Variants in STARD9 observed in about 807,000 individuals in gnomAD.
STARD9 encodes the protein stAR-related lipid transfer protein 9.
A neutral mutation model predicts 399.8 loss-of-function variants in STARD9; 346 were observed. The ratio of observed to expected loss-of-function variants is 0.87; its 90% CI spans 0.79 to 0.95. STARD9 has a LOEUF of 0.95. STARD9 is among the 40% of genes least tolerant of loss of function. STARD9 has a pLI of 0.00. For missense variants in STARD9, 5,832 were observed against 5,667.5 expected (o/e 1.03, Z -0.93); for synonymous variants, 2,203 against 2,143.5 (o/e 1.03, Z -0.77).
At chr15:42,667,877 T>C (rs2060133399) in intron 15 of STARD9, among the ~76,000 whole-genome samples, 1 of 152,224 alleles carries the variant, frequency 6.6e-6, no homozygotes, top group Non-Finnish European at 1.5e-5. Context: ...CATGTTAACA[T>C]TTTGTCACCC....
At position 42,690,142 on chromosome 15, in the gene STARD9, C is replaced by A. The variant is rs8031218; in HGVS notation, c.8564C>A (p.Thr2855Asn). 1.3e-6 allele frequency: 2 copies of A among 1,537,556 alleles called. No homozygotes were observed. The highest frequency in any genetic ancestry group is 8.7e-7 in the Non-Finnish European group (1 of 1,146,996). Residue 2855 changes from threonine (T) to asparagine (N), a missense_variant, in exon 23 of 33, where the codon ACC becomes AAC. Physicochemically the swap from Thr to Asn is moderately conservative, Grantham distance 65 (BLOSUM62 0). Transcript: ENST00000290607. Reference sequence around the variant, plus strand: ...GGTAGGGCAAGTCCCAAACAAGATACCATTCTGCCTGGAGCTCTGACAAGG... The same window carrying A: ...GGTAGGGCAAGTCCCAAACAAGATAACATTCTGCCTGGAGCTCTGACAAGG... ...EEGRASPKQD[T>N]ILPGALTRVA...
intron 30 of STARD9, 56 bp from the exon 31 acceptor site, chr15:42,718,379 T>C: frequency 7.0e-7 from 1 of 1,433,556 alleles, no homozygotes; most frequent in Non-Finnish European, 9.5e-7. Flanking sequence ...CCAGGAAGGC[T>C]TTAGGACTAG....
In STARD9 at chr15:42,694,541, A is replaced by G; in HGVS notation, c.12778A>G (p.Ile4260Val). The change falls in exon 24 of 33, where the codon ATT becomes GTT. Residue 4260 changes from isoleucine to valine, a missense_variant. Physicochemically the swap from Ile to Val is conservative, Grantham distance 29. Around this residue, in one of 2 missense-constraint regions of STARD9, gnomAD observed 5,828 missense variants for 5,651.1 expected, o/e 1.03. Transcript: ENST00000290607. ...GTTTTGCCTCAGGCAAAAAAAGGCC[A>G]TTGAGACCCTCAGGAGAGAGCGGGC... ...KELYARQKKA[I>V]ETLRRERAER... The G allele has an allele frequency of 6.5e-7, 1 of 1,537,206 alleles. No individual in the cohort carries two copies. Among genetic ancestry groups the G allele is most frequent in the South Asian group, 1.2e-5 (1 of 84,062 alleles).
chr15:42,709,080 T>A (rs2061153215), intron 26 of STARD9, among the ~76,000 whole-genome samples: 1 of 152,192 alleles, frequency 6.6e-6, no homozygotes, highest in Non-Finnish European at 1.5e-5. Flanking sequence ...CTCCACTGAA[T>A]GTTGCTATAT....
At chr15:42,613,386 C>T (rs1012103419) in intron 3 of STARD9, among the ~76,000 whole-genome samples, 26 of 151,914 alleles carry the variant, frequency 1.7e-4, no homozygotes, top group Admixed American at 1.7e-3. Context: ...CCAGAGAGAC[C>T]CTAAACTTTC....
At chr15:42,717,352 G>C (rs1376155746) in intron 28 of STARD9, among the ~76,000 whole-genome samples, 2 of 152,108 alleles carry the variant, frequency 1.3e-5, no homozygotes, top group African/African-American at 2.4e-5. Flanking sequence ...GCCAGGCGTG[G>C]TAGCTCACAC....
At chr15:42,656,448 A>G (rs895871962) in intron 9 of STARD9, among the ~76,000 whole-genome samples, 1 of 151,828 alleles carries the variant, frequency 6.6e-6, no homozygotes, top group Non-Finnish European at 1.5e-5. Context: ...ATTATGGAAA[A>G]CAGTGTGGAG....
chr15:42,579,742 T>C (rs1316326238), intron 1 of STARD9, among the ~76,000 whole-genome samples: 2 of 152,088 alleles, frequency 1.3e-5, no homozygotes, highest in Admixed American at 6.6e-5. Context: ...CTAAGAACAT[T>C]CTGAAAATCA....
At chr15:42,582,857 G>T (rs966746954) in intron 1 of STARD9, among the ~76,000 whole-genome samples, 2 of 152,248 alleles carry the variant, frequency 1.3e-5, no homozygotes, top group Non-Finnish European at 2.9e-5. Context: ...ACTGCTCCCC[G>T]CACTCTCTAG....
At chr15:42,718,620 G>A (rs1295196309) in intron 31 of STARD9, 106 bp downstream of exon 31, 1 of 1,429,518 alleles carries the variant, frequency 7.0e-7, no homozygotes, top group Non-Finnish European at 9.5e-7. Flanking sequence ...AGGGCAAATT[G>A]GGGCTGGAGC....
chr15:42,669,376 G>C, intron 16 of STARD9, 39 bp downstream of exon 16: 1 of 1,462,148 alleles, frequency 6.8e-7, no homozygotes, highest in Non-Finnish European at 9.1e-7. Flanking sequence ...CTAAGCCACT[G>C]GTTCCAGAGG....
In STARD9 at chr15:42,686,380, G is replaced by C; in HGVS notation, c.4802G>C (p.Arg1601Pro). 1 of 1,537,512 alleles carries C rather than the reference G, an allele frequency of 6.5e-7. No homozygotes were observed. The highest frequency in any genetic ancestry group is 1.4e-5 in the African/African-American group (1 of 73,130). ...GACTTAGAATCATTGTCTGCTTCTCGATCTACAAATGCACAGGTCTTTGCA... is the reference window on the plus strand; with the variant it reads ...GACTTAGAATCATTGTCTGCTTCTCCATCTACAAATGCACAGGTCTTTGCA... ...SADLESLSAS[R>P]STNAQVFATE... Residue 1601 changes from arginine (R) to proline (P), a missense_variant, in exon 23 of 33, where the codon CGA becomes CCA. This residue lies in a region of STARD9 where 5,828 missense variants were observed against 5,651.1 expected (regional missense o/e 1.03). Transcript: ENST00000290607.
chr15:42,607,843 C>G (rs912423887), intron 3 of STARD9, among the ~76,000 whole-genome samples: 2 of 152,070 alleles, frequency 1.3e-5, no homozygotes, highest in African/African-American at 4.8e-5. Context: ...GAGGATGAAT[C>G]TCTTAGGCAT....
chr15:42,662,806 T>A lies in STARD9; in HGVS notation c.783T>A (p.Asp261Glu). 6.5e-7 allele frequency: 1 copy of A among 1,537,326 alleles called. No homozygotes were observed. Among genetic ancestry groups the A allele is most frequent in the Admixed American group, 2.0e-5 (1 of 51,000 alleles). The change falls in exon 11 of 33, where the codon GAT becomes GAA. Residue 261 changes from aspartate (D) to glutamate (E), a missense_variant. Physicochemically the swap from Asp to Glu is conservative, Grantham distance 45 (BLOSUM62 2). This residue lies in a region of STARD9 where 5,828 missense variants were observed against 5,651.1 expected (regional missense o/e 1.03). Transcript: ENST00000290607. ...GACTGTGTTTTAGCGAAAGAGCAGA[T>A]CCCAGTTACTGTAAGGACCGCATTG... The part of the protein sequence containing the change: ...LVDLAGSERA[D>E]PSYCKDRIAE...
At chr15:42,643,885 T>A (rs1235178101) in intron 7 of STARD9, among the ~76,000 whole-genome samples, 1 of 152,254 alleles carries the variant, frequency 6.6e-6, no homozygotes, top group Non-Finnish European at 1.5e-5. Flanking sequence ...CCAATATGAT[T>A]TCTTTTGACT....
chr15:42,647,094 A>T (rs1248762783), intron 7 of STARD9, among the ~76,000 whole-genome samples: 1 of 152,250 alleles, frequency 6.6e-6, no homozygotes, highest in African/African-American at 2.4e-5. Flanking sequence ...ACAGATCATC[A>T]TAACAGATAT....
rs2058037770 is a variant in STARD9 at position 42,575,711 on chromosome 15, G to A, written c.-5G>A. ...GACCCGCTGGACTTGGGTTGTGGCA[G>A]ACGGATGGCGAACGTGCAGGTCGCC... On this transcript the variant is annotated 5_prime_UTR_variant, in exon 1 of 33. Coordinates refer to ENST00000290607, the MANE Select transcript of STARD9 (RefSeq NM_020759.3). 6.5e-7 allele frequency: 1 copy of A among 1,536,570 alleles called. No individual in the cohort carries two copies. Among genetic ancestry groups the A allele is most frequent in the Admixed American group, 2.0e-5 (1 of 51,010 alleles).
Position 42,682,349 on chromosome 15 carries a change from C to T in STARD9, c.2311C>T (p.Gln771Ter). Residue 771 changes from glutamine (Q) to a stop codon, truncating the protein, a stop_gained, in exon 22 of 33, where the codon CAG becomes TAG. Coordinates refer to ENST00000290607, the MANE Select transcript of STARD9 (RefSeq NM_020759.3). LOFTEE classifies it high-confidence loss of function. Reference protein sequence around the residue: ...RNVRRKKVSFQLERIIKKQRL... With the variant: ...RNVRRKKVSF Reference sequence around the variant, plus strand: ...TGTCCGGCGGAAAAAGGTCTCATTCCAGCTAGAGAGAATCATCAAAAAGCA... The same window carrying T: ...TGTCCGGCGGAAAAAGGTCTCATTCTAGCTAGAGAGAATCATCAAAAAGCA... The T allele has an allele frequency of 6.5e-7, 1 of 1,537,248 alleles. No homozygotes were observed.
In STARD9 at chr15:42,663,494, A is replaced by G; in HGVS notation, c.1078+4A>G. 3 of 1,537,270 alleles carry G rather than the reference A, an allele frequency of 2.0e-6. No homozygotes were observed. The highest frequency in any genetic ancestry group is 1.4e-5 in the African/African-American group (1 of 73,170). Reference sequence around the variant, plus strand: ...TCTAAAACCATCATGGTTGCCAGTGAGTGGGATGCCAGAGCTGGACCTGTG... The same window carrying G: ...TCTAAAACCATCATGGTTGCCAGTGGGTGGGATGCCAGAGCTGGACCTGTG... On this transcript the variant is annotated splice_donor_region_variant and intron_variant, in intron 12 of 32. Coordinates refer to ENST00000290607, the MANE Select transcript of STARD9 (RefSeq NM_020759.3).
Sources: allele counts gnomAD v4.1 joint callset (sites outside exome capture counted in the v4.1 genomes callset), GRCh38; gene constraint gnomAD v4.1.1; regional missense constraint gnomAD v4.1.1; transcripts MANE v1.5; gene names NCBI Gene and HGNC (gene_info 2026-07-23, HGNC 2026-07-21).